The following ENTREP2 variants were observed in gnomAD, a reference collection of about 807,000 sequenced individuals.
The protein encoded by ENTREP2 is protein ENTREP2.
chr15:29,652,856 G>A, the ENTREP2 span, among the ~76,000 whole-genome samples: 2 of 152,190 alleles, frequency 1.3e-5, no homozygotes, highest in African/African-American at 2.4e-5. Flanking sequence ...ATCCAGGCCG[G>A]TAGCATGAGC....
At chr15:29,365,963 T>G in the ENTREP2 span, among the ~76,000 whole-genome samples, 3 of 152,192 alleles carry the variant, frequency 2.0e-5, no homozygotes, top group African/African-American at 7.2e-5. Context: ...TGTGCTCTGA[T>G]GTAGACCCAA....
the ENTREP2 span, among the ~76,000 whole-genome samples, chr15:29,634,006 G>A: frequency 1.6e-4 from 24 of 152,142 alleles, no homozygotes; most frequent in African/African-American, 2.4e-4. Context: ...CTCACTGCTC[G>A]GGGTCTTACC....
the ENTREP2 span, among the ~76,000 whole-genome samples, chr15:29,602,309 A>G: frequency 6.6e-6 from 1 of 152,192 alleles, no homozygotes; most frequent in Non-Finnish European, 1.5e-5. Context: ...TTCACCAGAG[A>G]AAGAACTGTG....
At chr15:29,402,251 A>ATATATATATATATATATATATATAT in the ENTREP2 span, among the ~76,000 whole-genome samples, 1 of 111,824 alleles carries the variant, frequency 8.9e-6, no homozygotes, top group East Asian at 2.1e-4. Context: ...ATTATAGAAG[A>ATATATATATATATATATATATATAT]ATATATATAT....
At chr15:29,595,165 A>G in the ENTREP2 span, among the ~76,000 whole-genome samples, 2 of 151,690 alleles carry the variant, frequency 1.3e-5, no homozygotes, top group African/African-American at 2.4e-5. Flanking sequence ...AGGCAGGAGA[A>G]TCTCTTGAAC....
chr15:29,344,931 G>GACACACACACACACACACACACACAC, the ENTREP2 span, among the ~76,000 whole-genome samples: 29 of 142,598 alleles, frequency 2.0e-4, no homozygotes, highest in African/African-American at 7.1e-4. Flanking sequence ...CACGCGCGCA[G>GACACACACACACACACACACACACAC]ACACACACAC....
At chr15:29,613,447 G>C in the ENTREP2 span, 6 of 451,180 alleles carry the variant, frequency 1.3e-5, no homozygotes, top group South Asian at 7.5e-5. Context: ...CTGGGTGAGG[G>C]CACAGGCTCT....
the ENTREP2 span, chr15:29,233,660 TATGG>T: frequency 2.1e-6 from 2 of 952,846 alleles, no homozygotes; most frequent in Non-Finnish European, 3.4e-6. Flanking sequence ...GTAATAAAGC[TATGG>T]ATGGATGGGC....
chr15:29,211,390 CCT>C, the ENTREP2 span, among the ~76,000 whole-genome samples: 3 of 152,330 alleles, frequency 2.0e-5, no homozygotes, highest in Non-Finnish European at 4.4e-5. Flanking sequence ...TGACCCAGCC[CCT>C]GTTCCAGTGA....
the ENTREP2 span, among the ~76,000 whole-genome samples, chr15:29,134,373 G>C: frequency 6.6e-6 from 1 of 152,154 alleles, no homozygotes; most frequent in African/African-American, 2.4e-5. Context: ...AGGGGGTCCT[G>C]GCCGGGGCTC....
the ENTREP2 span, among the ~76,000 whole-genome samples, chr15:29,359,344 C>CA: frequency 6.6e-6 from 1 of 152,168 alleles, no homozygotes; most frequent in Non-Finnish European, 1.5e-5. Context: ...GAGGATATCA[C>CA]ACGTTTAAGA....
At chr15:29,149,229 T>C in the ENTREP2 span, among the ~76,000 whole-genome samples, 1 of 152,204 alleles carries the variant, frequency 6.6e-6, no homozygotes, top group Non-Finnish European at 1.5e-5. Flanking sequence ...TTGCATCTAA[T>C]GGACAGCAAT....
the ENTREP2 span, among the ~76,000 whole-genome samples, chr15:29,568,576 C>T: frequency 6.6e-5 from 10 of 151,884 alleles, no homozygotes; most frequent in African/African-American, 2.4e-4. Flanking sequence ...TGGTGGTACA[C>T]ACCTGTAGTC....
the ENTREP2 span, among the ~76,000 whole-genome samples, chr15:29,388,999 G>T: frequency 1.3e-5 from 2 of 151,248 alleles, no homozygotes; most frequent in East Asian, 3.9e-4. Flanking sequence ...AACATTAGGA[G>T]ATATACCTAA....
chr15:29,609,300 G>A, the ENTREP2 span, among the ~76,000 whole-genome samples: 3 of 150,132 alleles, frequency 2.0e-5, no homozygotes, highest in South Asian at 2.1e-4. Context: ...ATGGATATGT[G>A]GGTTGTTTCT....
the ENTREP2 span, among the ~76,000 whole-genome samples, chr15:29,379,528 A>G: frequency 1.9e-4 from 29 of 152,298 alleles, no homozygotes; most frequent in South Asian, 5.6e-3. Flanking sequence ...CAGAGAGCAG[A>G]CTGGCCCTGC....
At chr15:29,470,633 A>G in the ENTREP2 span, among the ~76,000 whole-genome samples, 1 of 152,120 alleles carries the variant, frequency 6.6e-6, no homozygotes, top group African/African-American at 2.4e-5. Context: ...GCCACAATCA[A>G]CTGACAAGCA....
the ENTREP2 span, among the ~76,000 whole-genome samples, chr15:29,515,215 G>C: frequency 6.6e-6 from 1 of 152,210 alleles, no homozygotes; most frequent in Non-Finnish European, 1.5e-5. Flanking sequence ...AGAGCAGCCA[G>C]AGTGGGTCAG....
At chr15:29,292,539 C>T in the ENTREP2 span, among the ~76,000 whole-genome samples, 3 of 152,118 alleles carry the variant, frequency 2.0e-5, no homozygotes, top group Non-Finnish European at 4.4e-5. Context: ...TGCCACTACG[C>T]ATGGCTAATT....
Sources: gnomAD v4.1 joint callset for allele counts (sites outside exome capture counted in the v4.1 genomes callset) on GRCh38, gnomAD v4.1.1 for gene constraint, MANE v1.5 for transcripts, NCBI Gene and HGNC (gene_info 2026-07-23, HGNC 2026-07-21) for gene names.